The following SPART variants were observed in gnomAD, a reference collection of about 807,000 sequenced individuals.
SPART encodes the protein spartin.
In SPART, 35 loss-of-function variants were observed where a neutral mutation model predicts 58.7. That is an observed-to-expected ratio of 0.60 (90% CI 0.46 to 0.79). The LOEUF (loss-of-function observed/expected upper bound fraction) is 0.79. SPART is among the 30% of genes least tolerant of loss of function. The probability of loss-of-function intolerance (pLI) is 0.00; values close to 1 mark genes in which losing one functional copy is unlikely to be tolerated. For missense variants in SPART, 730 were observed against 786.1 expected (o/e 0.93, Z 0.85); for synonymous variants, 284 against 280.7 (o/e 1.01, Z -0.12).
intron 8 of SPART, among the ~76,000 whole-genome samples, chr13:36,307,773 A>G (rs958001246): frequency 6.6e-6 from 1 of 152,102 alleles, no homozygotes. Context: ...ATATAAGACA[A>G]AAGTATTAAT....
chr13:36,337,168 T>G (rs1315362718), intron 1 of SPART, among the ~76,000 whole-genome samples: 1 of 152,220 alleles, frequency 6.6e-6, no homozygotes, highest in Non-Finnish European at 1.5e-5. Context: ...ATATTAATAT[T>G]AAATGGAAAA....
At chr13:36,343,944 G>A (rs1884807327) in intron 1 of SPART, among the ~76,000 whole-genome samples, 1 of 151,540 alleles carries the variant, frequency 6.6e-6, no homozygotes, top group Admixed American at 6.6e-5. Context: ...CCGGAGGATC[G>A]CTTGGGCCCA....
intron 2 of SPART, among the ~76,000 whole-genome samples, chr13:36,332,382 T>C (rs529878178): frequency 2.8e-4 from 43 of 152,256 alleles, no homozygotes; most frequent in Middle Eastern, 3.4e-3. Flanking sequence ...CCTGTAATCC[T>C]AGCTCCAGCT....
chr13:36,307,588 C>A (rs1380482540), intron 8 of SPART, among the ~76,000 whole-genome samples: 1 of 151,858 alleles, frequency 6.6e-6, no homozygotes, highest in Non-Finnish European at 1.5e-5. Flanking sequence ...ACTATCAAAG[C>A]TATATTATTA....
rs141343548 is a variant in SPART, at chr13:36,309,310, T to C, written c.1733+2835A>G. On this transcript the variant is annotated intron_variant, in intron 8 of 8. Coordinates refer to ENST00000438666, the MANE Select transcript of SPART (RefSeq NM_015087.5). ...ATTGCTTTGATTTGATTCAAAGGTA[T>C]GTATGTCCCAGAATGTAAACTAGTT... Among the ~76,000 whole-genome samples the C allele has an allele frequency of 1.7e-3, 250 of 151,394 alleles. 2 individuals are homozygous for C. The highest frequency in any genetic ancestry group is 5.8e-3 in the African/African-American group (240 of 41,294).
chr13:36,342,134 C>G (rs1884638230), intron 1 of SPART, among the ~76,000 whole-genome samples: 1 of 152,216 alleles, frequency 6.6e-6, no homozygotes, highest in African/African-American at 2.4e-5. Flanking sequence ...TTTTGTGCTA[C>G]ATACGATAGG....
At chr13:36,350,493 T>G (rs1235144384), upstream of SPART, among the ~76,000 whole-genome samples, 2 of 152,206 alleles carry the variant, frequency 1.3e-5, no homozygotes, top group Non-Finnish European at 2.9e-5. Context: ...CTCCCCATTC[T>G]CTTTCCACCA....
intron 6 of SPART, among the ~76,000 whole-genome samples, chr13:36,312,921 C>T (rs930671574): frequency 6.7e-6 from 1 of 150,026 alleles, no homozygotes; most frequent in Non-Finnish European, 1.5e-5. Flanking sequence ...TCCAGCTTAG[C>T]GTATTCATAT....
chr13:36,335,674 G>A lies in SPART; in HGVS notation c.157C>T (p.Leu53=). 1 of 1,614,102 alleles carries A rather than the reference G, an allele frequency of 6.2e-7. No homozygotes were observed. The highest frequency in any genetic ancestry group is 8.5e-7 in the Non-Finnish European group (1 of 1,180,000). The part of the protein sequence containing the change: ...KNYYKQGIGH[L]LRGISISSKE... Reference sequence around the variant, plus strand: ...GATGAAATGCTGATCCCTCTGAGCAGGTGTCCTATTCCTTGCTTATAGTAG... The same window carrying A: ...GATGAAATGCTGATCCCTCTGAGCAAGTGTCCTATTCCTTGCTTATAGTAG... The change falls in exon 2 of 9, where the codon CTG becomes TTG. Residue 53 remains leucine, a synonymous_variant. Coordinates refer to ENST00000438666, the MANE Select transcript of SPART (RefSeq NM_015087.5).
In SPART at chr13:36,329,508, T is replaced by G. The variant is rs1326371652; in HGVS notation, c.1018A>C (p.Asn340His). Reference sequence around the variant, plus strand: ...AATTCATTTTCTTCTTCTGCTCTGTTCCAGTTGGCCTAGAGAATAAAGGTT... The same window carrying G: ...AATTCATTTTCTTCTTCTGCTCTGTGCCAGTTGGCCTAGAGAATAAAGGTT... ...MSDLRLQANWNRAEEENEFQI... is the reference protein window; with the variant it reads ...MSDLRLQANWHRAEEENEFQI... Residue 340 changes from asparagine (N) to histidine (H), a missense_variant, in exon 4 of 9, where the codon AAC becomes CAC. Coordinates refer to ENST00000438666, the MANE Select transcript of SPART (RefSeq NM_015087.5). 1 of 1,614,026 alleles carries G rather than the reference T, an allele frequency of 6.2e-7. No individual in the cohort carries two copies. The highest frequency in any genetic ancestry group is 8.5e-7 in the Non-Finnish European group (1 of 1,180,026).
chr13:36,317,743 G>A (rs1350279461), intron 5 of SPART, among the ~76,000 whole-genome samples: 8 of 151,690 alleles, frequency 5.3e-5, no homozygotes, highest in African/African-American at 1.9e-4. Flanking sequence ...CCCTTGGCCT[G>A]TGTTCTCAAA....
chr13:36,339,573 C>T (rs1385661867), intron 1 of SPART, among the ~76,000 whole-genome samples: 1 of 123,920 alleles, frequency 8.1e-6, no homozygotes, highest in Non-Finnish European at 1.6e-5. Context: ...AGAGGTTGCA[C>T]TGAGCCGAGA....
At chr13:36,348,032 TC>T (rs2137682369), upstream of SPART, among the ~76,000 whole-genome samples, 1 of 152,316 alleles carries the variant, frequency 6.6e-6, no homozygotes, top group South Asian at 2.1e-4. Context: ...ATGCCTGTAG[TC>T]CCAGCTACTC....
upstream of SPART, among the ~76,000 whole-genome samples, chr13:36,351,009 G>A (rs1468674830): frequency 2.0e-5 from 3 of 152,014 alleles, no homozygotes; most frequent in Non-Finnish European, 4.4e-5. Context: ...AGAGAGTCTG[G>A]GACCACTAGT....
chr13:36,319,427 G>T (rs112003026), intron 5 of SPART, among the ~76,000 whole-genome samples: 55 of 149,186 alleles, frequency 3.7e-4, no homozygotes, highest in African/African-American at 1.3e-3. Flanking sequence ...CCCACTCAAC[G>T]CCAATATCCC....
chr13:36,336,230 A>C (rs372356262), intron 1 of SPART: 113 of 163,634 alleles, frequency 6.9e-4, no homozygotes, highest in African/African-American at 2.5e-3. Context: ...AAATGAATTG[A>C]ATCATAGACT....
chr13:36,328,339 A>G (rs181640402), intron 4 of SPART, among the ~76,000 whole-genome samples: 22 of 152,318 alleles, frequency 1.4e-4, no homozygotes, highest in African/African-American at 5.3e-4. Context: ...TATGATACTC[A>G]AGACAATGCT....
At chr13:36,332,371 G>A (rs1883542923) in intron 2 of SPART, among the ~76,000 whole-genome samples, 1 of 152,158 alleles carries the variant, frequency 6.6e-6, no homozygotes, top group African/African-American at 2.4e-5. Context: ...GGTAGTGCAT[G>A]CCTGTAATCC....
At chr13:36,310,313 A>T (rs956065297) in intron 8 of SPART, among the ~76,000 whole-genome samples, 1 of 152,124 alleles carries the variant, frequency 6.6e-6, no homozygotes, top group African/African-American at 2.4e-5. Flanking sequence ...GTAAGATCCA[A>T]ACTAATTCAA....
Sources: allele counts gnomAD v4.1 joint callset (sites outside exome capture counted in the v4.1 genomes callset), GRCh38; gene constraint gnomAD v4.1.1; transcripts MANE v1.5; gene names NCBI Gene and HGNC (gene_info 2026-07-23, HGNC 2026-07-21).